Variants in LHFPL3 observed in about 807,000 individuals in gnomAD.
LHFPL3 encodes the protein LHFPL tetraspan subfamily member 3.
In LHFPL3, 5 loss-of-function variants were observed where a neutral mutation model predicts 19.3. The ratio of observed to expected loss-of-function variants is 0.26; its 90% CI spans 0.14 to 0.54. The LOEUF (loss-of-function observed/expected upper bound fraction) is 0.54, where lower values mean the gene tolerates loss of function less well. LHFPL3 is among the 20% of genes least tolerant of loss of function. LHFPL3 has a pLI of 0.94. For missense variants in LHFPL3, 249 were observed against 307.4 expected, an observed-to-expected ratio of 0.81 and a Z score of 1.42; for synonymous variants, 133 against 126.2, an observed-to-expected ratio of 1.05 and a Z score of -0.36.
At chr7:104,789,314 A>C (rs571855688) in intron 2 of LHFPL3, among the ~76,000 whole-genome samples, 8 of 152,286 alleles carry the variant, frequency 5.3e-5, no homozygotes, top group African/African-American at 1.9e-4. Flanking sequence ...GGTGAGTATA[A>C]GAAGAGAACC....
At chr7:104,861,667 G>A (rs1477526940) in intron 2 of LHFPL3, among the ~76,000 whole-genome samples, 1 of 152,138 alleles carries the variant, frequency 6.6e-6, no homozygotes, top group East Asian at 1.9e-4. Context: ...CCCAACCTGG[G>A]TGAAAGTGAT....
chr7:104,892,794 T>C (rs562987410), intron 2 of LHFPL3, among the ~76,000 whole-genome samples: 17 of 152,184 alleles, frequency 1.1e-4, no homozygotes, highest in African/African-American at 3.9e-4. Flanking sequence ...ATATTTTTTC[T>C]ATGTACATAT....
chr7:104,408,915 A>C (rs56098289), intron 1 of LHFPL3, among the ~76,000 whole-genome samples: 3,565 of 125,370 alleles, frequency 0.028, 61 homozygotes, highest in South Asian at 0.055. Flanking sequence ...CCCAGGCTGG[A>C]GTGCAATGGC....
rs148541734 is a variant in LHFPL3 at position 104,828,017 on chromosome 7, C to G, written c.683-78170C>G. On this transcript the variant is annotated intron_variant, in intron 2 of 2. Transcript: ENST00000424859. ...AGTATTGTCACAAGTCCTGAACATT[C>G]TTCTGTGGACTAGACCCCTCTTCGG... Among the ~76,000 whole-genome samples, 336 of 152,066 alleles carry G rather than the reference C, an allele frequency of 2.2e-3. 12 individuals carry two copies. The highest frequency in any genetic ancestry group is 7.9e-3 in the African/African-American group (326 of 41,336).
At chr7:104,578,652 C>T (rs1790394488) in intron 1 of LHFPL3, among the ~76,000 whole-genome samples, 1 of 152,220 alleles carries the variant, frequency 6.6e-6, no homozygotes, top group African/African-American at 2.4e-5. Context: ...CTGATGGAGC[C>T]TGCCCACCTG....
At chr7:104,469,787 G>A (rs568185071) in intron 1 of LHFPL3, among the ~76,000 whole-genome samples, 1 of 152,100 alleles carries the variant, frequency 6.6e-6, no homozygotes, top group Non-Finnish European at 1.5e-5. Context: ...AATCCATGTA[G>A]CATTATTTTT....
chr7:104,630,161 A>T (rs2385249), intron 1 of LHFPL3, among the ~76,000 whole-genome samples: 29,902 of 152,100 alleles, frequency 0.2, 3,259 homozygotes, highest in East Asian at 0.44. Flanking sequence ...CAACAGTCTT[A>T]TTGAAGAGAT....
rs57501560 is a variant in LHFPL3 at position 104,602,020 on chromosome 7, C to CTTTTT, written c.446-134639_446-134635dup. Among the ~76,000 whole-genome samples, 157 of 91,444 alleles carry CTTTTT rather than the reference C, an allele frequency of 1.7e-3. 10 individuals carry two copies. The highest frequency in any genetic ancestry group is 2.3e-3 in the African/African-American group (53 of 23,062). 60.0% of individuals were successfully genotyped at this position (91,444 alleles called of 152,430 possible). On this transcript the variant is annotated intron_variant, in intron 1 of 2. Coordinates refer to ENST00000424859, the MANE Select transcript of LHFPL3 (RefSeq NM_199000.3). ...TAGCAATTTATTTTCTTTTTCTTTTCTTTTTTTTTTTTTTTTTTTTCTGAC... is the reference window on the plus strand; with the variant it reads ...TAGCAATTTATTTTCTTTTTCTTTTCTTTTTTTTTTTTTTTTTTTTTTTTTCTGAC...
At chr7:104,746,412 T>C (rs898129639) in intron 2 of LHFPL3, among the ~76,000 whole-genome samples, 5 of 152,142 alleles carry the variant, frequency 3.3e-5, no homozygotes, top group African/African-American at 1.2e-4. Flanking sequence ...GAGGTTCCAA[T>C]GCACAGCCAG....
At chr7:104,449,029 T>C (rs1031193604) in intron 1 of LHFPL3, among the ~76,000 whole-genome samples, 1 of 152,216 alleles carries the variant, frequency 6.6e-6, no homozygotes, top group African/African-American at 2.4e-5. Flanking sequence ...CCTTTACCTA[T>C]CTTTCAAAAG....
At chr7:104,797,036 C>T (rs1357008151) in intron 2 of LHFPL3, 2 of 152,580 alleles carry the variant, frequency 1.3e-5, no homozygotes, top group African/African-American at 2.4e-5. Flanking sequence ...CGTCTTCTTT[C>T]CTGAAACAAT....
chr7:104,796,280 C>T lies in LHFPL3; in HGVS notation c.682+59369C>T, dbSNP rs541439842. On this transcript the variant is annotated intron_variant, in intron 2 of 2. Transcript: ENST00000424859. ...ACCGGGGGGCTGGTTTGTTTTCAAC[C>T]ATTGTGTAGGGAAGACACAATTTAG... 9.9e-5 allele frequency among the ~76,000 whole-genome samples: 15 copies of T among 152,228 alleles called. 1 individual carries two copies. The highest frequency in any genetic ancestry group is 3.1e-4 in the African/African-American group (13 of 41,524).
At chr7:104,482,678 C>A (rs1793159678) in intron 1 of LHFPL3, among the ~76,000 whole-genome samples, 1 of 152,306 alleles carries the variant, frequency 6.6e-6, no homozygotes, top group East Asian at 1.9e-4. Context: ...CCTGCCACCT[C>A]CTTGAACATT....
At chr7:104,332,904 T>C (rs954387912) in intron 1 of LHFPL3, among the ~76,000 whole-genome samples, 4 of 146,794 alleles carry the variant, frequency 2.7e-5, no homozygotes, top group African/African-American at 7.5e-5. Flanking sequence ...ATAAGAGATA[T>C]AAAACTTTCC....
intron 2 of LHFPL3, among the ~76,000 whole-genome samples, chr7:104,776,287 C>G (rs1794635476): frequency 6.6e-6 from 1 of 152,248 alleles, no homozygotes; most frequent in African/African-American, 2.4e-5. Context: ...ACAGCAATTT[C>G]TAGAAACCAC....
intron 2 of LHFPL3, among the ~76,000 whole-genome samples, chr7:104,884,066 A>T (rs1792102263): frequency 6.6e-6 from 1 of 152,226 alleles, no homozygotes; most frequent in East Asian, 1.9e-4. Flanking sequence ...TGTAATCCCC[A>T]AACAGAGATA....
intron 2 of LHFPL3, among the ~76,000 whole-genome samples, chr7:104,749,023 T>A (rs1299329685): frequency 5.9e-5 from 9 of 152,252 alleles, no homozygotes; most frequent in Non-Finnish European, 1.5e-5. Flanking sequence ...AGTTTCCTCT[T>A]AAGATAGAGA....
At chr7:104,762,043 T>C (rs1170071955) in intron 2 of LHFPL3, among the ~76,000 whole-genome samples, 1 of 152,200 alleles carries the variant, frequency 6.6e-6, no homozygotes, top group Admixed American at 6.5e-5. Flanking sequence ...ATGCAGTTTC[T>C]GATTCAGTAG....
At chr7:104,621,167 A>G (rs980095867) in intron 1 of LHFPL3, among the ~76,000 whole-genome samples, 1 of 152,206 alleles carries the variant, frequency 6.6e-6, no homozygotes, top group Admixed American at 6.5e-5. Context: ...TCATAATGCC[A>G]TAAGCCCACT....
Sources: allele counts gnomAD v4.1 joint callset (sites outside exome capture counted in the v4.1 genomes callset), GRCh38; gene constraint gnomAD v4.1.1; transcripts MANE v1.5; gene names NCBI Gene and HGNC (gene_info 2026-07-23, HGNC 2026-07-21).